Variants in OXNAD1 observed in about 807,000 individuals in gnomAD.
OXNAD1 encodes oxidoreductase NAD binding domain containing 1.
A neutral mutation model predicts 32.9 loss-of-function variants in OXNAD1; 34 were observed. The observed-to-expected ratio is 1.03, with a 90% CI of 0.79 to 1.38. The LOEUF (loss-of-function observed/expected upper bound fraction) is 1.38. Among genes scored for constraint, OXNAD1 ranks in the 40% most tolerant of loss-of-function variants. OXNAD1 has a pLI of 0.00. For missense variants in OXNAD1, 407 were observed against 379.4 expected (o/e 1.07, Z -0.60); for synonymous variants, 134 against 135.2 (o/e 0.99, Z 0.06).
chr3:16,346,568 G>A lies in OXNAD1; in HGVS notation c.*31-2608G>A, dbSNP rs949848973. ...TGGCTGCCAAAGCCAACAGCCCCTC[G>A]ATGGCCCAGGGCTTCTTCCTCACTG... On this transcript the variant is annotated intron_variant, in intron 9 of 9. Coordinates refer to the OXNAD1 transcript ENST00000606098. The surrounding 1 kb of genome is among the most constrained non-coding windows in gnomAD (Gnocchi z 4.4). 2 of 152,158 alleles carry A rather than the reference G, an allele frequency of 1.3e-5. No homozygotes were observed. The highest frequency in any genetic ancestry group is 6.6e-5 in the Admixed American group (1 of 15,266). 9.4% of individuals were successfully genotyped at this position (152,158 alleles called of 1,614,324 possible). A position where few individuals can be genotyped will look rare whatever the true frequency, so the allele number is the denominator to read the frequency against.
At chr3:16,310,410 A>G (rs199949528), downstream of OXNAD1, among the ~76,000 whole-genome samples, 14 of 152,324 alleles carry the variant, frequency 9.2e-5, no homozygotes, top group East Asian at 2.7e-3. Context: ...TAAGTGAAAT[A>G]TATTTCTTAC....
At position 16,335,903 on chromosome 3, in the gene OXNAD1, G is replaced by T. The variant is rs1481441322; in HGVS notation, c.*31-1209G>T. 6.6e-6 allele frequency among the ~76,000 whole-genome samples: 1 copy of T among 152,256 alleles called. No homozygotes were observed. The highest frequency in any genetic ancestry group is 1.5e-5 in the Non-Finnish European group (1 of 68,040). On this transcript the variant is annotated intron_variant, in intron 9 of 9. Coordinates refer to the OXNAD1 transcript ENST00000435829. This position sits in a 1 kb window ranked among gnomAD's most constrained non-coding sequence, Gnocchi z 4.7. ...AGGAGGCCACAGGCAGGACTCCGCA[G>T]GAGGGAAGTGGCCGACAGCAAGGAC...
At chr3:16,341,534 A>T (rs2071317423), downstream of OXNAD1, among the ~76,000 whole-genome samples, 1 of 152,202 alleles carries the variant, frequency 6.6e-6, no homozygotes, top group Non-Finnish European at 1.5e-5. The surrounding 1 kb of genome is among the most constrained non-coding windows in gnomAD (Gnocchi z 4.7). Flanking sequence ...GAAAGAAGCC[A>T]ACTGGAAAAG....
downstream of OXNAD1, among the ~76,000 whole-genome samples, chr3:16,350,865 A>G (rs545002483): frequency 2.0e-4 from 31 of 152,362 alleles, 2 homozygotes; most frequent in East Asian, 6.0e-3. Flanking sequence ...TGGCAATAGA[A>G]GAAAAAAGCC....
Position 16,265,707 on chromosome 3 carries a change from A to G in OXNAD1, c.-159+202A>G. The G allele has an allele frequency of 5.0e-6, 1 of 199,414 alleles. No individual in the cohort carries two copies. Among genetic ancestry groups the G allele is most frequent in the Non-Finnish European group, 9.0e-6 (1 of 111,296 alleles). The allele number at this position is 199,414 out of a possible 1,614,324, so 12.4% of individuals were successfully genotyped here. A position where few individuals can be genotyped will look rare whatever the true frequency, so the allele number is the denominator to read the frequency against. ...AAGTTATGTGCCAGCTATTGCACTA[A>G]GTGGAATTGTCAACTCTAGGAGTTT... On this transcript the variant is annotated intron_variant, in intron 1 of 8. Transcript: ENST00000285083. This position sits in a 1 kb window ranked among gnomAD's most constrained non-coding sequence, Gnocchi z 4.8.
chr3:16,281,025 T>G (rs935460530), intron 4 of OXNAD1, among the ~76,000 whole-genome samples: 4 of 152,242 alleles, frequency 2.6e-5, no homozygotes, highest in African/African-American at 9.6e-5. Flanking sequence ...AATAAATAGT[T>G]TCTCCACTAT....
downstream of OXNAD1, among the ~76,000 whole-genome samples, chr3:16,310,386 A>C (rs1206034582): frequency 6.6e-6 from 1 of 152,162 alleles, no homozygotes; most frequent in African/African-American, 2.4e-5. Context: ...GAAGCATTTT[A>C]ATGCTCACCC....
Position 16,284,033 on chromosome 3 carries a change from G to C in OXNAD1, c.184-2309G>C, listed in dbSNP as rs893567836. ...AGGGAAGATTCTGTGGGCTATAGAA[G>C]AGCTGATTGTCTCAGTAGAGGAAGA... On this transcript the variant is annotated intron_variant, in intron 4 of 8. Coordinates refer to ENST00000285083, the MANE Select transcript of OXNAD1 (RefSeq NM_138381.5). This position sits in a 1 kb window ranked among gnomAD's most constrained non-coding sequence, Gnocchi z 4.1. Among the ~76,000 whole-genome samples, 1 of 152,174 alleles carries C rather than the reference G, an allele frequency of 6.6e-6. No homozygotes were observed. The highest frequency in any genetic ancestry group is 2.4e-5 in the African/African-American group (1 of 41,442).
Position 16,316,534 on chromosome 3 carries a change from T to C in OXNAD1, c.*30+12942T>C, listed in dbSNP as rs559696054. 34 of 447,194 alleles carry C rather than the reference T, an allele frequency of 7.6e-5. 1 individual carries two copies. The Admixed American group carries it at 1.1e-3, about 15-fold the overall frequency. 27.7% of individuals were successfully genotyped at this position (447,194 alleles called of 1,614,324 possible). A position where few individuals can be genotyped will look rare whatever the true frequency, so the allele number is the denominator to read the frequency against. ...CAGGCACTGGATGGTCCAGACCCTC[T>C]GGCTGGAGGAGTGGTGGAGCCAGGA... is the stretch of plus-strand genomic sequence containing the variant. On this transcript the variant is annotated intron_variant, in intron 9 of 9. Coordinates refer to the OXNAD1 transcript ENST00000435829. This position sits in a 1 kb window ranked among gnomAD's most constrained non-coding sequence, Gnocchi z 4.5.
chr3:16,273,250 T>C (rs955574934), intron 4 of OXNAD1, among the ~76,000 whole-genome samples: 1 of 152,208 alleles, frequency 6.6e-6, no homozygotes, highest in Non-Finnish European at 1.5e-5. Context: ...TCAACTGATA[T>C]TTACTGAGCA....
chr3:16,312,974 T>C lies in OXNAD1; in HGVS notation c.*30+9382T>C, dbSNP rs1204120177. Among the ~76,000 whole-genome samples the C allele has an allele frequency of 6.6e-6, 1 of 152,150 alleles. No individual in the cohort carries two copies. Among genetic ancestry groups the C allele is most frequent in the Non-Finnish European group, 1.5e-5 (1 of 68,030 alleles). On this transcript the variant is annotated intron_variant, in intron 9 of 9. Transcript: ENST00000435829. This position sits in a 1 kb window ranked among gnomAD's most constrained non-coding sequence, Gnocchi z 4.7. ...TCTGTTAAGATGGGATATACTACGC[T>C]TCAGTAGCCAATAAATCTCAAAATC...
chr3:16,273,637 C>T (rs1055046206), intron 4 of OXNAD1, among the ~76,000 whole-genome samples: 3 of 152,304 alleles, frequency 2.0e-5, no homozygotes, highest in East Asian at 1.9e-4. Context: ...GATCCCTTCT[C>T]TTTGGCCTCC....
At chr3:16,333,227 G>T (rs2070501314) in intron 9 of OXNAD1, among the ~76,000 whole-genome samples, 1 of 152,212 alleles carries the variant, frequency 6.6e-6, no homozygotes. Flanking sequence ...TGTGAAAAAT[G>T]TGGCACTATG....
At position 16,277,016 on chromosome 3, in the gene OXNAD1, C is replaced by T. The variant is rs1453609468; in HGVS notation, c.183+5294C>T. Among the ~76,000 whole-genome samples the T allele has an allele frequency of 6.6e-6, 1 of 151,870 alleles. No homozygotes were observed. Among genetic ancestry groups the T allele is most frequent in the Non-Finnish European group, 1.5e-5 (1 of 67,958 alleles). On this transcript the variant is annotated intron_variant, in intron 4 of 8. Coordinates refer to ENST00000285083, the MANE Select transcript of OXNAD1 (RefSeq NM_138381.5). The surrounding 1 kb of genome is among the most constrained non-coding windows in gnomAD (Gnocchi z 4.3). ...CTTGGCTCACTGCAACCTCTGCCTC[C>T]CGGGTTCAAGTGACTCTCCTGCCTC...
chr3:16,326,962 C>T (rs766746639), intron 9 of OXNAD1: 9 of 983,182 alleles, frequency 9.2e-6, no homozygotes, highest in South Asian at 4.4e-5. Flanking sequence ...TCTGCCAATC[C>T]GCAAAACAGA....
chr3:16,278,316 TTTCCTACAGTATC>T (rs2065493202), intron 4 of OXNAD1, among the ~76,000 whole-genome samples: 2 of 152,202 alleles, frequency 1.3e-5, no homozygotes, highest in Non-Finnish European at 2.9e-5. Flanking sequence ...GCCTGTGTCT[TTTCCTACAGTATC>T]TTATGTGTAT....
rs2071907432 is a variant in OXNAD1, at chr3:16,348,891, C to T, written c.*31-285C>T. 1.3e-5 allele frequency among the ~76,000 whole-genome samples: 2 copies of T among 152,226 alleles called. No individual in the cohort carries two copies. The highest frequency in any genetic ancestry group is 4.8e-5 in the African/African-American group (2 of 41,448). ...TGTCCTGCCACTGCCACAATCCACA[C>T]ACATTTCAGAACACCCGAGCAAGTG... On this transcript the variant is annotated intron_variant, in intron 9 of 9. Transcript: ENST00000606098. This position sits in a 1 kb window ranked among gnomAD's most constrained non-coding sequence, Gnocchi z 6.3.
intron 2 of OXNAD1, 121 bp downstream of exon 2, chr3:16,269,396 T>C: frequency 9.5e-7 from 1 of 1,048,334 alleles, no homozygotes; most frequent in Non-Finnish European, 1.3e-6. Context: ...GCTTTTTTCA[T>C]TTAGTAAAGA....
chr3:16,299,604 T>C lies in OXNAD1; in HGVS notation c.433-2022T>C, dbSNP rs1462938994. On this transcript the variant is annotated intron_variant, in intron 6 of 8. Transcript: ENST00000285083. The surrounding 1 kb of genome is among the most constrained non-coding windows in gnomAD (Gnocchi z 4.4). The stretch of plus-strand genomic sequence containing the variant: ...TTCTTAGATCTTCTCTAAATTTAAC[T>C]CAACTTTAACTTGCAGAGACCAAAT... 6.6e-6 allele frequency among the ~76,000 whole-genome samples: 1 copy of C among 152,230 alleles called. No individual in the cohort carries two copies. The highest frequency in any genetic ancestry group is 2.4e-5 in the African/African-American group (1 of 41,464).
Sources: allele counts gnomAD v4.1 joint callset (sites outside exome capture counted in the v4.1 genomes callset), GRCh38; gene constraint gnomAD v4.1.1; non-coding constraint Gnocchi (gnomAD v3.1); transcripts MANE v1.5; gene names NCBI Gene and HGNC (gene_info 2026-07-23, HGNC 2026-07-21).